Variants in DSE observed in about 807,000 individuals in gnomAD.
The protein encoded by DSE is dermatan sulfate epimerase.
Under a neutral mutation model 84.4 loss-of-function variants are expected in DSE, and 36 were observed. That is an observed-to-expected ratio of 0.43 (90% CI 0.33 to 0.56). The LOEUF (loss-of-function observed/expected upper bound fraction) is 0.56, where lower values mean the gene tolerates loss of function less well. Ranked by LOEUF, DSE falls within the 20% of genes least tolerant of loss-of-function variation. DSE has a pLI of 0.06. For missense variants in DSE, 862 were observed against 1,169.6 expected, an observed-to-expected ratio of 0.74 and a Z score of 3.84; for synonymous variants, 410 against 430.1, an observed-to-expected ratio of 0.95 and a Z score of 0.58.
Position 116,266,066 on chromosome 6 carries a change from G to A in DSE, c.-54+7099G>A, listed in dbSNP as rs547833939. ...ATTCCCTTGGAGCCAGTGGAAGCCAGGAATGAGTCCTGGTGTGCAGTAGCC... is the reference window on the plus strand; with the variant it reads ...ATTCCCTTGGAGCCAGTGGAAGCCAAGAATGAGTCCTGGTGTGCAGTAGCC... On this transcript the variant is annotated intron_variant, in intron 2 of 3. Transcript: ENST00000430252. 3.3e-5 allele frequency among the ~76,000 whole-genome samples: 5 copies of A among 152,314 alleles called. No individual in the cohort carries two copies. The South Asian group carries it at 1.0e-3, about 32-fold the overall frequency.
intron 2 of DSE, among the ~76,000 whole-genome samples, chr6:116,285,700 C>T (rs143468872): frequency 0.24 from 36,597 of 151,938 alleles, 5,537 homozygotes; most frequent in East Asian, 0.64. Flanking sequence ...TTTTTGTATG[C>T]GGTGTAAGGA....
intron 1 of DSE, among the ~76,000 whole-genome samples, chr6:116,372,309 A>G (rs1438717075): frequency 6.6e-6 from 1 of 152,154 alleles, no homozygotes; most frequent in Non-Finnish European, 1.5e-5. Flanking sequence ...TCTACTAAAA[A>G]TACAAAAAAT....
At chr6:116,399,819 A>G in intron 2 of DSE, 153 bp downstream of exon 2, 2 of 704,646 alleles carry the variant, frequency 2.8e-6, no homozygotes, top group Non-Finnish European at 4.6e-6. Context: ...AGTCTTATGA[A>G]TGGCCCTTAG....
At chr6:116,340,311 G>C (rs1263300077) in intron 2 of DSE, among the ~76,000 whole-genome samples, 1 of 151,986 alleles carries the variant, frequency 6.6e-6, no homozygotes, top group Admixed American at 6.6e-5. Flanking sequence ...CTTCAGCTGG[G>C]ATAATTTCTG....
intron 1 of DSE, chr6:116,254,431 G>A (rs1772059291): frequency 2.7e-6 from 1 of 375,814 alleles, no homozygotes; most frequent in African/African-American, 2.1e-5. Flanking sequence ...CTCCTGAGTA[G>A]GAAAGTGGAT....
chr6:116,391,245 C>T (rs1393950746), intron 1 of DSE, among the ~76,000 whole-genome samples: 2 of 152,100 alleles, frequency 1.3e-5, no homozygotes, highest in African/African-American at 2.4e-5. Flanking sequence ...TACAGAGCTG[C>T]AGTTAATAAA....
intron 2 of DSE, among the ~76,000 whole-genome samples, chr6:116,346,150 C>T (rs138147200): frequency 0.2 from 30,441 of 152,038 alleles, 3,318 homozygotes; most frequent in East Asian, 0.29. Flanking sequence ...CAAAAAAAGT[C>T]CAGGACCAGA....
intron 2 of DSE, among the ~76,000 whole-genome samples, chr6:116,414,041 G>T (rs1782543913): frequency 6.6e-6 from 1 of 152,224 alleles, no homozygotes; most frequent in South Asian, 2.1e-4. Flanking sequence ...AGATGATGGG[G>T]AGTGTACGAG....
chr6:116,399,246 C>G lies in DSE; in HGVS notation c.-5C>G. 1 of 1,613,536 alleles carries G rather than the reference C, an allele frequency of 6.2e-7. No homozygotes were observed. Among genetic ancestry groups the G allele is most frequent in the Non-Finnish European group, 8.5e-7 (1 of 1,180,030 alleles). On this transcript the variant is annotated 5_prime_UTR_variant, in exon 2 of 6. Coordinates refer to ENST00000644252, the MANE Select transcript of DSE (RefSeq NM_013352.4). ...GCCTTGGAGATTTGGAGATCTGATG[C>G]CACGATGAGGACTCACACACGGGGG...
At chr6:116,301,886 T>C (rs1419744294) in intron 2 of DSE, among the ~76,000 whole-genome samples, 1 of 152,156 alleles carries the variant, frequency 6.6e-6, no homozygotes, top group East Asian at 1.9e-4. Flanking sequence ...ACATGCGGTG[T>C]TTGGTTTTCT....
chr6:116,348,867 T>G (rs1227253498), intron 2 of DSE, among the ~76,000 whole-genome samples: 2 of 151,532 alleles, frequency 1.3e-5, no homozygotes, highest in African/African-American at 4.9e-5. Flanking sequence ...GAGCAAACTA[T>G]CTCAAGGACA....
chr6:116,433,632 A>G, intron 5 of DSE, 82 bp downstream of exon 5: 1 of 1,426,026 alleles, frequency 7.0e-7, no homozygotes, highest in Non-Finnish European at 9.5e-7. Flanking sequence ...TTTGCATTTA[A>G]AAAGAAAAAC....
chr6:116,256,808 A>G (rs1772160605), intron 1 of DSE: 1 of 152,204 alleles, frequency 6.6e-6, no homozygotes, highest in Non-Finnish European at 1.5e-5. Flanking sequence ...GCTATGAGTT[A>G]TATTTTACAT....
chr6:116,440,779 C>T lies in DSE; in HGVS notation c.*3434C>T, dbSNP rs1438343839. 6.6e-6 allele frequency: 1 copy of T among 151,990 alleles called. No homozygotes were observed. Among genetic ancestry groups the T allele is most frequent in the Non-Finnish European group, 1.5e-5 (1 of 67,998 alleles). 9.4% of individuals were successfully genotyped at this position (151,990 alleles called of 1,614,324 possible). ...TGGTCATCTTTGTCATAGCTTAATTCAGGAAAAAAGGAGTTAGGGAAGTCT... is the reference window on the plus strand; with the variant it reads ...TGGTCATCTTTGTCATAGCTTAATTTAGGAAAAAAGGAGTTAGGGAAGTCT... On this transcript the variant is annotated 3_prime_UTR_variant, in exon 6 of 6. Coordinates refer to ENST00000644252, the MANE Select transcript of DSE (RefSeq NM_013352.4).
intron 2 of DSE, among the ~76,000 whole-genome samples, chr6:116,280,931 A>G (rs184916545): frequency 1.3e-5 from 2 of 152,360 alleles, no homozygotes; most frequent in East Asian, 3.9e-4. Context: ...TTTCTACTTA[A>G]TTTGCTTTGT....
intron 1 of DSE, among the ~76,000 whole-genome samples, chr6:116,384,957 G>A (rs1780487578): frequency 6.6e-6 from 1 of 152,194 alleles, no homozygotes; most frequent in African/African-American, 2.4e-5. Context: ...GTTGGACTTG[G>A]TAATGATGTC....
intron 2 of DSE, among the ~76,000 whole-genome samples, chr6:116,299,535 TATATATATATATATATACACATACACAC>T (rs1562213481): frequency 3.3e-5 from 1 of 30,458 alleles, no homozygotes. Flanking sequence ...TATATATATA[TATATATATATATATATACACATACACAC>T]ACACACACAC....
At chr6:116,356,575 T>C (rs1236874414) in intron 2 of DSE, among the ~76,000 whole-genome samples, 1 of 152,250 alleles carries the variant, frequency 6.6e-6, no homozygotes, top group Non-Finnish European at 1.5e-5. Flanking sequence ...ATAGGTTCCA[T>C]AGCTCAGGAA....
chr6:116,392,370 A>G (rs1401375225), intron 1 of DSE, among the ~76,000 whole-genome samples: 1 of 152,174 alleles, frequency 6.6e-6, no homozygotes, highest in Non-Finnish European at 1.5e-5. Flanking sequence ...AACGTCAGGA[A>G]CATTCATTTG....
Sources: allele counts gnomAD v4.1 joint callset (sites outside exome capture counted in the v4.1 genomes callset), GRCh38; gene constraint gnomAD v4.1.1; transcripts MANE v1.5; gene names NCBI Gene and HGNC (gene_info 2026-07-23, HGNC 2026-07-21).